SLC9D1: variants seen among roughly 807,000 people sequenced by gnomAD.
SLC9D1 encodes the protein putative LAG1-interacting protein.
At chr13:113,536,394 A>T in the SLC9D1 span, 1 of 202,344 alleles carries the variant, frequency 4.9e-6, no homozygotes, top group Non-Finnish European at 8.8e-6. Flanking sequence ...ATTGTTTCTT[A>T]TATATAATTG....
chr13:113,496,069 A>C, the SLC9D1 span: 1 of 1,360,262 alleles, frequency 7.4e-7, no homozygotes, highest in Non-Finnish European at 1.0e-6. Flanking sequence ...AGAGGGAGAG[A>C]GAGGTGAAGA....
At chr13:113,525,917 G>A in the SLC9D1 span, among the ~76,000 whole-genome samples, 2 of 151,766 alleles carry the variant, frequency 1.3e-5, no homozygotes, top group African/African-American at 4.8e-5. Flanking sequence ...CGTCGTCGTC[G>A]TAGGAGACGA....
chr13:113,510,450 G>C, the SLC9D1 span: 3 of 1,597,986 alleles, frequency 1.9e-6, no homozygotes, highest in Admixed American at 5.1e-5. Context: ...TTCTGAGTGC[G>C]TGTCTAATTC....
the SLC9D1 span, among the ~76,000 whole-genome samples, chr13:113,533,670 G>A: frequency 3.3e-5 from 5 of 152,330 alleles, no homozygotes; most frequent in South Asian, 2.1e-4. Flanking sequence ...TCCATCAGGC[G>A]ACTGCGGTGG....
At chr13:113,526,008 C>T in the SLC9D1 span, among the ~76,000 whole-genome samples, 2 of 149,396 alleles carry the variant, frequency 1.3e-5, no homozygotes, top group African/African-American at 5.0e-5. Context: ...CTAGAAGAAG[C>T]CGTCGTCGTC....
the SLC9D1 span, among the ~76,000 whole-genome samples, chr13:113,516,302 T>C: frequency 2.6e-5 from 4 of 152,098 alleles, no homozygotes; most frequent in Admixed American, 2.0e-4. Flanking sequence ...TGGTGGCTCA[T>C]GCCTGTAATC....
At chr13:113,548,037 G>T in the SLC9D1 span, among the ~76,000 whole-genome samples, 1 of 146,942 alleles carries the variant, frequency 6.8e-6, no homozygotes, top group African/African-American at 2.6e-5. Flanking sequence ...GGCGGGGGCG[G>T]GGGGGCTTGG....
the SLC9D1 span, among the ~76,000 whole-genome samples, chr13:113,502,124 C>T: frequency 6.6e-6 from 1 of 152,232 alleles, no homozygotes; most frequent in African/African-American, 2.4e-5. Context: ...TTAAGGACTC[C>T]ATTTCCAGTA....
the SLC9D1 span, among the ~76,000 whole-genome samples, chr13:113,544,242 G>A: frequency 6.6e-6 from 1 of 152,234 alleles, no homozygotes; most frequent in South Asian, 2.1e-4. Flanking sequence ...TGCCCGCTGG[G>A]TGAGGCCCAG....
chr13:113,540,760 G>A, the SLC9D1 span, among the ~76,000 whole-genome samples: 5 of 152,322 alleles, frequency 3.3e-5, no homozygotes, highest in East Asian at 1.9e-4. Flanking sequence ...GTTTGTTACC[G>A]TTGCGATTGC....
chr13:113,532,608 GC>G, the SLC9D1 span, among the ~76,000 whole-genome samples: 35 of 152,282 alleles, frequency 2.3e-4, 1 homozygote, highest in South Asian at 5.6e-3. Flanking sequence ...ACGGTGCTGG[GC>G]CCAGGGCCAG....
chr13:113,536,340 CA>C, the SLC9D1 span, among the ~76,000 whole-genome samples: 47 of 143,464 alleles, frequency 3.3e-4, no homozygotes, highest in East Asian at 8.1e-4. Context: ...AAGACTGCCT[CA>C]AAAAAAAAAA....
chr13:113,513,108 A>G, the SLC9D1 span, among the ~76,000 whole-genome samples: 83 of 151,914 alleles, frequency 5.5e-4, no homozygotes, highest in Admixed American at 1.3e-3. Flanking sequence ...ACGTCTGAAC[A>G]CTTGGCAGAA....
the SLC9D1 span, among the ~76,000 whole-genome samples, chr13:113,538,166 GTACTT>G: frequency 6.6e-6 from 1 of 151,960 alleles, no homozygotes; most frequent in South Asian, 2.1e-4. Flanking sequence ...GCATGAATGT[GTACTT>G]TATGTGGTGT....
the SLC9D1 span, among the ~76,000 whole-genome samples, chr13:113,531,121 G>A: frequency 1.3e-5 from 2 of 152,366 alleles, no homozygotes; most frequent in East Asian, 3.9e-4. Context: ...GGACCCACAG[G>A]CTCCTTGGTC....
chr13:113,502,967 T>G, the SLC9D1 span, among the ~76,000 whole-genome samples: 1 of 152,190 alleles, frequency 6.6e-6, no homozygotes, highest in East Asian at 1.9e-4. Context: ...AGCCCACGTG[T>G]GGGGGCTCCC....
the SLC9D1 span, chr13:113,539,510 A>C: frequency 6.2e-7 from 1 of 1,611,154 alleles, no homozygotes; most frequent in Non-Finnish European, 8.5e-7. This position sits in a 1 kb window ranked among gnomAD's most constrained non-coding sequence, Gnocchi z 4.8. Context: ...CTCCATAGGT[A>C]ATCTTCCTTC....
the SLC9D1 span, among the ~76,000 whole-genome samples, chr13:113,532,780 C>T: frequency 6.6e-6 from 1 of 151,580 alleles, no homozygotes; most frequent in African/African-American, 2.4e-5. Flanking sequence ...TGCCTCCCTC[C>T]TTCTAAGTCG....
the SLC9D1 span, among the ~76,000 whole-genome samples, chr13:113,547,794 A>G: frequency 1.3e-5 from 2 of 152,182 alleles, no homozygotes; most frequent in Admixed American, 6.5e-5. Flanking sequence ...GTGATGACCT[A>G]GTCAGCAACC....
Sources: gnomAD v4.1 joint callset for allele counts (sites outside exome capture counted in the v4.1 genomes callset) on GRCh38, gnomAD v4.1.1 for gene constraint, Gnocchi (gnomAD v3.1) non-coding constraint, MANE v1.5 for transcripts, NCBI Gene and HGNC (gene_info 2026-07-23, HGNC 2026-07-21) for gene names.